The following ATG16L1 variants were observed in gnomAD, a reference collection of about 807,000 sequenced individuals.
ATG16L1 encodes the protein autophagy-related protein 16-1.
A neutral mutation model predicts 88.5 loss-of-function variants in ATG16L1; 37 were observed. The ratio of observed to expected loss-of-function variants is 0.42; its 90% CI spans 0.32 to 0.55. The LOEUF (loss-of-function observed/expected upper bound fraction) is 0.55, where lower values mean the gene tolerates loss of function less well. Ranked by LOEUF, ATG16L1 falls within the 20% of genes least tolerant of loss-of-function variation. ATG16L1 has a pLI of 0.13. For missense variants in ATG16L1, 554 were observed against 752.8 expected, an observed-to-expected ratio of 0.74 and a Z score of 3.09; for synonymous variants, 301 against 281.0, an observed-to-expected ratio of 1.07 and a Z score of -0.71.
At position 233,282,675 on chromosome 2, in the gene ATG16L1, C is replaced by A; in HGVS notation, c.1132-7C>A. 2 of 1,613,632 alleles carry A rather than the reference C, an allele frequency of 1.2e-6. No individual in the cohort carries two copies. The highest frequency in any genetic ancestry group is 1.7e-6 in the Non-Finnish European group (2 of 1,179,654). On this transcript the variant is annotated splice_region_variant and splice_polypyrimidine_tract_variant and intron_variant, in intron 11 of 17. Coordinates refer to ENST00000392017, the MANE Select transcript of ATG16L1 (RefSeq NM_030803.7). Reference sequence around the variant, plus strand: ...AAAATTGGTTTTCCTCTTCTTTATTCCCACAGGGATCTTACCTCTTAGCAG... The same window carrying A: ...AAAATTGGTTTTCCTCTTCTTTATTACCACAGGGATCTTACCTCTTAGCAG...
chr2:233,270,080 A>G lies in ATG16L1; in HGVS notation c.707+13A>G. Reference sequence around the variant, plus strand: ...TACCAGTCGAACAGTAAGTAAAGATAAATGAATCAAAACTGTGTTTCTGAA... The same window carrying G: ...TACCAGTCGAACAGTAAGTAAAGATGAATGAATCAAAACTGTGTTTCTGAA... On this transcript the variant is annotated intron_variant, in intron 6 of 17. Transcript: ENST00000392017. The G allele has an allele frequency of 1.3e-6, 2 of 1,565,910 alleles. No homozygotes were observed.
chr2:233,255,951 A>G, intron 1 of ATG16L1, 151 bp from the exon 2 acceptor site: 1 of 627,986 alleles, frequency 1.6e-6, no homozygotes, highest in African/African-American at 1.9e-5. Flanking sequence ...TTTAATAGGG[A>G]AGACATTCTT....
chr2:233,265,717 C>A (rs2125228448), intron 5 of ATG16L1, among the ~76,000 whole-genome samples: 1 of 152,288 alleles, frequency 6.6e-6, no homozygotes, highest in Admixed American at 6.5e-5. Context: ...ATCCACCCGC[C>A]TCGGCCTCCC....
intron 12 of ATG16L1, among the ~76,000 whole-genome samples, chr2:233,287,281 A>G (rs1376218589): frequency 6.6e-6 from 1 of 152,250 alleles, no homozygotes; most frequent in Non-Finnish European, 1.5e-5. Flanking sequence ...CTATAAGCTT[A>G]AAAGAGTAAT....
rs560790665 is a variant in ATG16L1, at chr2:233,293,068, C to T, written c.1629-188C>T. On this transcript the variant is annotated intron_variant, in intron 16 of 17. Coordinates refer to ENST00000392017, the MANE Select transcript of ATG16L1 (RefSeq NM_030803.7). ...GTGATGCCACTGTTCATTAGCCGGA[C>T]GGGGCTGAAATACTGGGGAAAAGCA... is the stretch of plus-strand genomic sequence containing the variant. Among the ~76,000 whole-genome samples the T allele has an allele frequency of 7.9e-5, 12 of 152,234 alleles. No individual in the cohort carries two copies. In the South Asian group the frequency reaches 1.2e-3, roughly 16 times the overall value.
At chr2:233,279,650 A>G (rs189769965) in intron 10 of ATG16L1, among the ~76,000 whole-genome samples, 13 of 152,206 alleles carry the variant, frequency 8.5e-5, no homozygotes, top group African/African-American at 2.7e-4. Flanking sequence ...TTAGATTATC[A>G]GAAGAATCAC....
intron 2 of ATG16L1, among the ~76,000 whole-genome samples, chr2:233,262,212 T>C (rs1697261981): frequency 6.6e-6 from 1 of 152,314 alleles, no homozygotes; most frequent in South Asian, 2.1e-4. Context: ...GTCTTTGGAA[T>C]GGATCTAGAA....
intron 10 of ATG16L1, among the ~76,000 whole-genome samples, chr2:233,279,662 C>A (rs1489882408): frequency 6.6e-6 from 1 of 152,196 alleles, no homozygotes. Flanking sequence ...AAGAATCACA[C>A]TTTCTACCCA....
intron 12 of ATG16L1, 99 bp downstream of exon 12, chr2:233,282,852 CAAA>C: frequency 9.6e-7 from 1 of 1,044,470 alleles, no homozygotes; most frequent in South Asian, 1.3e-5. Context: ...TTTGTTTTCC[CAAA>C]AATCATGCTT....
intron 6 of ATG16L1, among the ~76,000 whole-genome samples, chr2:233,270,557 C>A (rs187656193): frequency 6.6e-6 from 1 of 152,336 alleles, no homozygotes; most frequent in East Asian, 1.9e-4. Flanking sequence ...TCACTGTTTC[C>A]TGTTGACACT....
intron 10 of ATG16L1, among the ~76,000 whole-genome samples, chr2:233,280,396 G>A (rs114113864): frequency 9.1e-4 from 138 of 152,278 alleles, no homozygotes; most frequent in African/African-American, 2.9e-3. Context: ...TGAAATTTCC[G>A]TGTGGGTGGC....
chr2:233,289,843 C>T lies in ATG16L1; in HGVS notation c.1204-11C>T, dbSNP rs1346612111. On this transcript the variant is annotated splice_polypyrimidine_tract_variant and intron_variant, in intron 12 of 17. Transcript: ENST00000392017. ...CCCTGAGGCTCACCCTGGCTGTGTT[C>T]TCTCTCCTAGCACACACTCACGGGA... 3 of 1,611,572 alleles carry T rather than the reference C, an allele frequency of 1.9e-6. No individual in the cohort carries two copies. The highest frequency in any genetic ancestry group is 1.1e-5 in the South Asian group (1 of 91,042).
intron 12 of ATG16L1, among the ~76,000 whole-genome samples, chr2:233,285,233 T>G (rs1698997895): frequency 2.0e-5 from 3 of 152,086 alleles, no homozygotes; most frequent in Admixed American, 1.3e-4. Flanking sequence ...ACAGTAAAAC[T>G]GACCAATTAT....
At chr2:233,277,444 T>C in intron 9 of ATG16L1, 124 bp from the exon 10 acceptor site, 2 of 801,254 alleles carry the variant, frequency 2.5e-6, no homozygotes, top group Middle Eastern at 2.3e-4. Context: ...GTTTAGTTTA[T>C]GATTGGCTCC....
intron 1 of ATG16L1, 65 bp downstream of exon 1, chr2:233,252,007 A>C: frequency 7.3e-7 from 1 of 1,378,866 alleles, no homozygotes; most frequent in Non-Finnish European, 9.5e-7. Context: ...GCGGGGCGTC[A>C]GCGGGAACCT....
intron 12 of ATG16L1, among the ~76,000 whole-genome samples, chr2:233,285,859 G>A (rs1699039577): frequency 6.6e-6 from 1 of 152,290 alleles, no homozygotes; most frequent in Admixed American, 6.5e-5. Context: ...AATGGTGTTG[G>A]GAGAGACTGG....
At chr2:233,285,445 A>C (rs912510631) in intron 12 of ATG16L1, among the ~76,000 whole-genome samples, 2 of 152,212 alleles carry the variant, frequency 1.3e-5, no homozygotes, top group Non-Finnish European at 2.9e-5. Flanking sequence ...CATAACATTG[A>C]GCTGGCACAC....
At position 233,289,512 on chromosome 2, in the gene ATG16L1, A is replaced by T. The variant is rs998132140; in HGVS notation, c.1204-342A>T. Reference sequence around the variant, plus strand: ...GCAATCCTCTTGCCTCAGCTTCCCAAGTAGCTGGGACCCCAGGCGCATGCC... The same window carrying T: ...GCAATCCTCTTGCCTCAGCTTCCCATGTAGCTGGGACCCCAGGCGCATGCC... On this transcript the variant is annotated intron_variant, in intron 12 of 17. Transcript: ENST00000392017. 4.6e-5 allele frequency among the ~76,000 whole-genome samples: 7 copies of T among 152,098 alleles called. No homozygotes were observed. In the South Asian group the frequency reaches 1.0e-3, roughly 23 times the overall value.
At chr2:233,272,588 G>A (rs143251420) in intron 6 of ATG16L1, among the ~76,000 whole-genome samples, 11 of 152,274 alleles carry the variant, frequency 7.2e-5, no homozygotes, top group African/African-American at 1.9e-4. Context: ...TGTGCTTGGT[G>A]AGTACTGCAG....
Sources: allele counts gnomAD v4.1 joint callset (sites outside exome capture counted in the v4.1 genomes callset), GRCh38; gene constraint gnomAD v4.1.1; transcripts MANE v1.5; gene names NCBI Gene and HGNC (gene_info 2026-07-23, HGNC 2026-07-21).